Variants in STXBP5 observed in about 807,000 individuals in gnomAD.
STXBP5 encodes syntaxin-binding protein 5.
In STXBP5, 50 loss-of-function variants were observed where a neutral mutation model predicts 152.4. That is an observed-to-expected ratio of 0.33 (90% CI 0.26 to 0.42). The LOEUF (loss-of-function observed/expected upper bound fraction) is 0.42. STXBP5 is among the 10% of genes least tolerant of loss of function. The pLI, the probability that STXBP5 is intolerant of heterozygous loss-of-function variation, is 1.00. For synonymous variants in STXBP5, 492 were observed against 494.7 expected (o/e 0.99, Z 0.07); for missense variants, 1,167 against 1,388.6 (o/e 0.84, Z 2.54).
chr6:147,277,839 A>T (rs1031659826), intron 7 of STXBP5, among the ~76,000 whole-genome samples: 3 of 152,162 alleles, frequency 2.0e-5, no homozygotes, highest in Non-Finnish European at 4.4e-5. Flanking sequence ...TGTCACTATC[A>T]TGCCTTCTTT....
intron 7 of STXBP5, among the ~76,000 whole-genome samples, chr6:147,274,657 T>C (rs999667445): frequency 3.3e-5 from 5 of 152,108 alleles, no homozygotes; most frequent in African/African-American, 4.8e-5. Flanking sequence ...ATAATAAAAC[T>C]ACAGAGTATT....
At chr6:147,346,933 C>T (rs1358770837) in intron 21 of STXBP5, among the ~76,000 whole-genome samples, 1 of 152,144 alleles carries the variant, frequency 6.6e-6, no homozygotes, top group Non-Finnish European at 1.5e-5. Context: ...ACGTTTCTCC[C>T]ACCTTTCTGC....
chr6:147,287,925 C>T (rs986847528), intron 8 of STXBP5, among the ~76,000 whole-genome samples: 2 of 152,054 alleles, frequency 1.3e-5, no homozygotes, highest in Non-Finnish European at 2.9e-5. Context: ...AGTGTCCTTG[C>T]CAGTGATAGG....
chr6:147,286,185 T>G (rs189935436), intron 8 of STXBP5, among the ~76,000 whole-genome samples: 2 of 152,310 alleles, frequency 1.3e-5, no homozygotes, highest in East Asian at 1.9e-4. Context: ...TCAACAATCC[T>G]TTCCTTTCTT....
intron 2 of STXBP5, among the ~76,000 whole-genome samples, chr6:147,219,799 GTTTTTTTTTTTT>G (rs35444906): frequency 7.0e-5 from 6 of 86,104 alleles, no homozygotes; most frequent in African/African-American, 1.8e-4. Flanking sequence ...CTAGAAGCTT[GTTTTTTTTTTTT>G]TTTTTTTTTG....
chr6:147,213,663 G>C (rs748525999), intron 2 of STXBP5, among the ~76,000 whole-genome samples: 1 of 151,926 alleles, frequency 6.6e-6, no homozygotes, highest in African/African-American at 2.4e-5. Flanking sequence ...GTAATAATTA[G>C]TAATAATCAG....
chr6:147,311,469 T>A lies in STXBP5; in HGVS notation c.1087T>A (p.Tyr363Asn). 1.2e-6 allele frequency: 2 copies of A among 1,612,132 alleles called. No homozygotes were observed. Among genetic ancestry groups the A allele is most frequent in the South Asian group, 1.1e-5 (1 of 90,812 alleles). The change falls in exon 11 of 28, where the codon TAT (tyrosine) becomes AAT (asparagine). Residue 363 changes from tyrosine to asparagine, a missense_variant. Physicochemically the swap from Tyr to Asn is moderately radical, Grantham distance 143. Coordinates refer to ENST00000321680, the MANE Select transcript of STXBP5 (RefSeq NM_001127715.4). Reference protein sequence around the residue: ...TPYPNDFQEPYAVVVLLEKDL... With the variant: ...TPYPNDFQEPNAVVVLLEKDL... ...TCCAATTCCAGATTTTCAAGAACCA[T>A]ATGCTGTGGTTGTTCTTCTAGAAAA... is the stretch of plus-strand genomic sequence containing the variant.
intron 9 of STXBP5, among the ~76,000 whole-genome samples, chr6:147,299,164 GA>G (rs894972276): frequency 5.9e-5 from 9 of 151,422 alleles, no homozygotes; most frequent in African/African-American, 2.2e-4. Flanking sequence ...ATTCAGAGAT[GA>G]AAAAGGAAAC....
At chr6:147,327,007 GT>G in intron 17 of STXBP5, 117 bp from the exon 18 acceptor site, 2 of 888,332 alleles carry the variant, frequency 2.3e-6, no homozygotes. Flanking sequence ...GTTGTCTTTT[GT>G]TTCAAAGAAT....
intron 4 of STXBP5, among the ~76,000 whole-genome samples, chr6:147,243,046 G>A (rs1778628059): frequency 6.6e-6 from 1 of 152,116 alleles, no homozygotes; most frequent in Non-Finnish European, 1.5e-5. Context: ...GAATAAAGCT[G>A]TTATAAATAT....
chr6:147,384,427 A>G (rs1011453383), intron 27 of STXBP5, among the ~76,000 whole-genome samples: 3 of 152,132 alleles, frequency 2.0e-5, no homozygotes, highest in Admixed American at 1.3e-4. Context: ...TTTAATTCAT[A>G]GTACAAAATA....
rs1436973543 is a variant in STXBP5 at position 147,389,070 on chromosome 6, T to G, written c.*4315T>G. On this transcript the variant is annotated 3_prime_UTR_variant, in exon 28 of 28. Coordinates refer to ENST00000321680, the MANE Select transcript of STXBP5 (RefSeq NM_001127715.4). ...TTTCTTTTCCCTTTTAGGGTATTTG[T>G]TCTCTTGGATTGAAATTTATGCCCA... 1 of 151,686 alleles carries G rather than the reference T, an allele frequency of 6.6e-6. No homozygotes were observed. Among genetic ancestry groups the G allele is most frequent in the Non-Finnish European group, 1.5e-5 (1 of 67,692 alleles). 9.4% of individuals were successfully genotyped at this position (151,686 alleles called of 1,614,324 possible).
chr6:147,334,867 T>C (rs529794604), intron 19 of STXBP5, among the ~76,000 whole-genome samples: 35 of 152,282 alleles, frequency 2.3e-4, no homozygotes, highest in African/African-American at 8.2e-4. Flanking sequence ...ACCAGTTTTC[T>C]AGTGAAGAGA....
chr6:147,299,341 C>T lies in STXBP5; in HGVS notation c.917+8169C>T, dbSNP rs7772538. Among the ~76,000 whole-genome samples, 200 of 151,570 alleles carry T rather than the reference C, an allele frequency of 1.3e-3. 3 individuals are homozygous for T. The highest frequency in any genetic ancestry group is 4.8e-3 in the South Asian group (23 of 4,812). On this transcript the variant is annotated intron_variant, in intron 9 of 27. Coordinates refer to ENST00000321680, the MANE Select transcript of STXBP5 (RefSeq NM_001127715.4). Reference sequence around the variant, plus strand: ...AAAATTTCAACAGACCAATAACAAGCGAGGGAATTGAATCAGTAATAAAAG... The same window carrying T: ...AAAATTTCAACAGACCAATAACAAGTGAGGGAATTGAATCAGTAATAAAAG...
At chr6:147,369,511 A>G (rs917856640) in intron 25 of STXBP5, among the ~76,000 whole-genome samples, 1 of 152,074 alleles carries the variant, frequency 6.6e-6, no homozygotes, top group African/African-American at 2.4e-5. Flanking sequence ...GACACTTTTT[A>G]AAATGAAAAG....
At chr6:147,334,904 G>A (rs1323590325) in intron 19 of STXBP5, among the ~76,000 whole-genome samples, 1 of 152,010 alleles carries the variant, frequency 6.6e-6, no homozygotes, top group Non-Finnish European at 1.5e-5. Context: ...TAACACTGTT[G>A]TTAAGACAGG....
At chr6:147,257,585 A>T (rs1441406136) in intron 4 of STXBP5, among the ~76,000 whole-genome samples, 1 of 152,128 alleles carries the variant, frequency 6.6e-6, no homozygotes, top group East Asian at 1.9e-4. Context: ...CCATAAAATT[A>T]AAAAATAATC....
At position 147,382,888 on chromosome 6, in the gene STXBP5, G is replaced by A; in HGVS notation, c.3304G>A (p.Ala1102Thr). 2.5e-6 allele frequency: 4 copies of A among 1,613,460 alleles called. No homozygotes were observed. Among genetic ancestry groups the A allele is most frequent in the Non-Finnish European group, 3.4e-6 (4 of 1,179,686 alleles). Residue 1102 changes from alanine (A) to threonine (T), a missense_variant, in exon 27 of 28, where the codon GCA (alanine) becomes ACA (threonine). Around this residue, in one of 3 missense-constraint regions of STXBP5, gnomAD observed 833 missense variants for 986.3 expected, o/e 0.84. Coordinates refer to ENST00000321680, the MANE Select transcript of STXBP5 (RefSeq NM_001127715.4). ...GAASGVVGEL[A>T]RARLALDERG... ...AGCATCTGGAGTTGTTGGTGAATTA[G>A]CACGAGCCAGGCTGGCACTAGATGA...
intron 4 of STXBP5, among the ~76,000 whole-genome samples, chr6:147,255,364 T>C (rs1052555708): frequency 2.6e-5 from 4 of 152,060 alleles, no homozygotes; most frequent in African/African-American, 9.7e-5. Flanking sequence ...TAGATGATGG[T>C]TTGATGGGTG....
Sources: gnomAD v4.1 joint callset for allele counts (sites outside exome capture counted in the v4.1 genomes callset) on GRCh38, gnomAD v4.1.1 for gene constraint, gnomAD v4.1.1 regional missense constraint, MANE v1.5 for transcripts, NCBI Gene and HGNC (gene_info 2026-07-23, HGNC 2026-07-21) for gene names.